Variants in NHSL1 observed in about 807,000 individuals in gnomAD.
NHSL1 encodes the protein NHS like 1.
Under a neutral mutation model 95.0 loss-of-function variants are expected in NHSL1, and 48 were observed. That is an observed-to-expected ratio of 0.51 (90% confidence interval 0.40 to 0.64). The LOEUF (loss-of-function observed/expected upper bound fraction) is 0.64. NHSL1 is among the 30% of genes least tolerant of loss of function. NHSL1 has a pLI of 0.00. For synonymous variants in NHSL1, 783 were observed against 833.9 expected (o/e 0.94, Z 1.05); for missense variants, 1,971 against 2,077.7 (o/e 0.95, Z 1.00).
rs1775085660 is a variant in NHSL1 at position 138,424,115 on chromosome 6, G to A, written c.4787C>T (p.Pro1596Leu). Residue 1596 changes from proline to leucine, a missense_variant, in exon 8 of 8, where the codon CCA (proline) becomes CTA (leucine). Around this residue, in one of 3 missense-constraint regions of NHSL1, gnomAD observed 223 missense variants for 217.0 expected, o/e 1.03. Transcript: ENST00000343505. The surrounding 1 kb of genome is among the most constrained non-coding windows in gnomAD (Gnocchi z 5.9). ...CTCGCTCAGAGAACCGCCACACTGT[G>A]GGGAGGGCTCTCTGCCCTCTGCACT... is the stretch of plus-strand genomic sequence containing the variant. Reference protein sequence around the residue: ...TASAEGREPSPQCGGSLSEES With the variant: ...TASAEGREPSLQCGGSLSEES 2 of 1,415,960 alleles carry A rather than the reference G, an allele frequency of 1.4e-6. No homozygotes were observed. The highest frequency in any genetic ancestry group is 2.5e-5 in the East Asian group (1 of 39,464). 87.7% of individuals were successfully genotyped at this position (1,415,960 alleles called of 1,614,324 possible).
intron 1 of NHSL1, among the ~76,000 whole-genome samples, chr6:138,655,697 T>C (rs1030973672): frequency 6.6e-6 from 1 of 152,166 alleles, no homozygotes; most frequent in Non-Finnish European, 1.5e-5. Context: ...AAAAAAAATT[T>C]CAGCAAAGCC....
chr6:138,611,933 A>C (rs1470927811), intron 1 of NHSL1, among the ~76,000 whole-genome samples: 1 of 151,586 alleles, frequency 6.6e-6, no homozygotes, highest in Non-Finnish European at 1.5e-5. Context: ...AACATGGTGA[A>C]ACTCCATCTC....
upstream of NHSL1, among the ~76,000 whole-genome samples, chr6:138,692,918 A>C (rs1421389363): frequency 1.3e-5 from 2 of 150,694 alleles, no homozygotes; most frequent in Non-Finnish European, 3.0e-5. This position sits in a 1 kb window ranked among gnomAD's most constrained non-coding sequence, Gnocchi z 4.0. Context: ...CCGGGCGGGC[A>C]GGAAGGACGG....
intron 1 of NHSL1, among the ~76,000 whole-genome samples, chr6:138,541,929 G>A (rs937393109): frequency 1.3e-5 from 2 of 152,156 alleles, no homozygotes; most frequent in Non-Finnish European, 1.5e-5. Flanking sequence ...TTCCCATGCA[G>A]CTGCCCTCAG....
intron 1 of NHSL1, among the ~76,000 whole-genome samples, chr6:138,621,774 G>A (rs1305538075): frequency 6.6e-6 from 1 of 152,212 alleles, no homozygotes; most frequent in African/African-American, 2.4e-5. Flanking sequence ...AAAAGTAAGG[G>A]GGCAGTCCCA....
intron 1 of NHSL1, among the ~76,000 whole-genome samples, chr6:138,655,280 T>C (rs1785143023): frequency 6.6e-6 from 1 of 152,238 alleles, no homozygotes; most frequent in African/African-American, 2.4e-5. Context: ...TTTTATGTCC[T>C]GTCACCCTCT....
intron 3 of NHSL1, among the ~76,000 whole-genome samples, chr6:138,450,946 C>G (rs1355244112): frequency 6.6e-6 from 1 of 152,136 alleles, no homozygotes; most frequent in Non-Finnish European, 1.5e-5. Flanking sequence ...ATTACACTGG[C>G]CTCTTAACTA....
chr6:138,639,686 G>T (rs1214861418), intron 1 of NHSL1, among the ~76,000 whole-genome samples: 1 of 147,628 alleles, frequency 6.8e-6, no homozygotes, highest in Non-Finnish European at 1.5e-5. Context: ...CGCACTTGTA[G>T]TCCCAGCTAC....
At chr6:138,568,646 C>T (rs969504130) in intron 1 of NHSL1, among the ~76,000 whole-genome samples, 1 of 152,170 alleles carries the variant, frequency 6.6e-6, no homozygotes, top group African/African-American at 2.4e-5. Context: ...TGCTGTCAAA[C>T]ACACATACAA....
chr6:138,676,123 C>A (rs1320195123), intron 1 of NHSL1, among the ~76,000 whole-genome samples: 1 of 152,036 alleles, frequency 6.6e-6, no homozygotes, highest in African/African-American at 2.4e-5. Flanking sequence ...AAAATGACAT[C>A]AAAATAAATT....
At chr6:138,679,989 T>C (rs1043082370) in intron 1 of NHSL1, among the ~76,000 whole-genome samples, 2 of 152,176 alleles carry the variant, frequency 1.3e-5, no homozygotes, top group African/African-American at 2.4e-5. Context: ...TAGGTTATGA[T>C]TTTTTTCTTC....
chr6:138,692,776 G>C (rs902069867), upstream of NHSL1, among the ~76,000 whole-genome samples: 25 of 150,726 alleles, frequency 1.7e-4, 1 homozygote, highest in African/African-American at 5.3e-4. This position sits in a 1 kb window ranked among gnomAD's most constrained non-coding sequence, Gnocchi z 4.0. Flanking sequence ...GCGGGGGCGG[G>C]CCGGCGGCGC....
At chr6:138,455,114 T>C (rs939014277) in intron 3 of NHSL1, among the ~76,000 whole-genome samples, 1 of 152,218 alleles carries the variant, frequency 6.6e-6, no homozygotes, top group African/African-American at 2.4e-5. Context: ...TTGTCTGCAA[T>C]GGCATGGAAT....
upstream of NHSL1, among the ~76,000 whole-genome samples, chr6:138,546,195 T>C (rs1405513941): frequency 6.6e-6 from 1 of 152,118 alleles, no homozygotes; most frequent in Non-Finnish European, 1.5e-5. Flanking sequence ...TGCACTCTGT[T>C]GTCTGAGTCT....
At chr6:138,513,648 G>C (rs556200998) in intron 1 of NHSL1, among the ~76,000 whole-genome samples, 1 of 152,190 alleles carries the variant, frequency 6.6e-6, no homozygotes, top group Non-Finnish European at 1.5e-5. Flanking sequence ...GCTGTGTAAA[G>C]AGACAGAGGG....
rs911853002 is a variant in NHSL1 at position 138,577,745 on chromosome 6, G to A, written c.97-81374C>T. 3.3e-5 allele frequency among the ~76,000 whole-genome samples: 5 copies of A among 152,016 alleles called. No individual in the cohort carries two copies. The South Asian group carries it at 8.3e-4, about 25-fold the overall frequency. On this transcript the variant is annotated intron_variant, in intron 1 of 3. Transcript: ENST00000491526. ...GTCATCTCCTGTGAATAATTTAAGAGTACACTTAAATGGAAATCTTTCTAT... is the reference window on the plus strand; with the variant it reads ...GTCATCTCCTGTGAATAATTTAAGAATACACTTAAATGGAAATCTTTCTAT...
upstream of NHSL1, among the ~76,000 whole-genome samples, chr6:138,547,640 C>T (rs1782853096): frequency 6.6e-6 from 1 of 152,206 alleles, no homozygotes; most frequent in African/African-American, 2.4e-5. Flanking sequence ...GCCTCGGCCT[C>T]CCAAAGTTCT....
intron 1 of NHSL1, among the ~76,000 whole-genome samples, chr6:138,591,350 G>A (rs1197748973): frequency 1.3e-5 from 2 of 152,168 alleles, no homozygotes; most frequent in Non-Finnish European, 2.9e-5. Flanking sequence ...GGTACCTGAG[G>A]TTAACTGTGG....
chr6:138,682,909 C>T (rs929227921), intron 1 of NHSL1, among the ~76,000 whole-genome samples: 2 of 152,192 alleles, frequency 1.3e-5, no homozygotes, highest in Non-Finnish European at 2.9e-5. Context: ...CCAAGATGCC[C>T]GAGGAAAGCC....
Sources: gnomAD v4.1 joint callset for allele counts (sites outside exome capture counted in the v4.1 genomes callset) on GRCh38, gnomAD v4.1.1 for gene constraint, gnomAD v4.1.1 regional missense constraint, Gnocchi (gnomAD v3.1) non-coding constraint, MANE v1.5 for transcripts, NCBI Gene and HGNC (gene_info 2026-07-23, HGNC 2026-07-21) for gene names.